ULK4: variants seen among roughly 807,000 people sequenced by gnomAD.
ULK4 encodes unc-51 like kinase 4.
Under a neutral mutation model 160.6 loss-of-function variants are expected in ULK4, and 133 were observed. The observed-to-expected ratio is 0.83, with a 90% confidence interval of 0.72 to 0.96. The LOEUF (loss-of-function observed/expected upper bound fraction) is 0.96. Ranked by LOEUF, ULK4 falls within the 40% of genes least tolerant of loss-of-function variation. The pLI, the probability that ULK4 is intolerant of heterozygous loss-of-function variation, is 0.00. For missense variants in ULK4, 1,580 were observed against 1,499.5 expected (o/e 1.05, Z -0.89); for synonymous variants, 534 against 539.8 (o/e 0.99, Z 0.15).
At chr3:41,303,169 T>G (rs1006488092) in intron 35 of ULK4, among the ~76,000 whole-genome samples, 3 of 152,232 alleles carry the variant, frequency 2.0e-5, no homozygotes, top group Non-Finnish European at 4.4e-5. Flanking sequence ...TTAAGTGATT[T>G]TGACTCACGC....
intron 35 of ULK4, among the ~76,000 whole-genome samples, chr3:41,396,985 G>A (rs932831686): frequency 2.6e-5 from 4 of 152,022 alleles, no homozygotes; most frequent in Non-Finnish European, 4.4e-5. Flanking sequence ...TGGGTCACTC[G>A]CTGCAACTGT....
At chr3:41,314,277 A>C (rs563386732) in intron 35 of ULK4, among the ~76,000 whole-genome samples, 143 of 152,346 alleles carry the variant, frequency 9.4e-4, no homozygotes, top group African/African-American at 3.3e-3. Context: ...GCAGTGGTAA[A>C]GTCTGGGCTT....
At chr3:41,452,461 T>A (rs2083444195) in intron 34 of ULK4, among the ~76,000 whole-genome samples, 1 of 152,180 alleles carries the variant, frequency 6.6e-6, no homozygotes, top group Admixed American at 6.5e-5. Flanking sequence ...ACCCAGCAAT[T>A]AAACAGTGTA....
At chr3:41,870,573 C>T (rs760966365) in intron 17 of ULK4, among the ~76,000 whole-genome samples, 1 of 152,170 alleles carries the variant, frequency 6.6e-6, no homozygotes, top group African/African-American at 2.4e-5. Context: ...ACAGAGAAGT[C>T]CCATATGTCC....
chr3:41,348,273 AT>A (rs1379621302), intron 35 of ULK4, among the ~76,000 whole-genome samples: 1 of 151,842 alleles, frequency 6.6e-6, no homozygotes, highest in Non-Finnish European at 1.5e-5. Context: ...AAGATTTCAA[AT>A]GTGAAAGGAT....
chr3:41,521,553 A>G (rs74611950), intron 32 of ULK4, among the ~76,000 whole-genome samples: 6 of 152,200 alleles, frequency 3.9e-5, no homozygotes, highest in African/African-American at 1.2e-4. Context: ...AGTACTCTGC[A>G]TAAGAATCTA....
At chr3:41,482,362 G>C (rs993512042) in intron 32 of ULK4, among the ~76,000 whole-genome samples, 1 of 152,186 alleles carries the variant, frequency 6.6e-6, no homozygotes, top group African/African-American at 2.4e-5. Flanking sequence ...CAGCAGTGAT[G>C]GTGTCTTATT....
At chr3:41,843,856 T>C (rs1044103015) in intron 17 of ULK4, among the ~76,000 whole-genome samples, 1 of 152,102 alleles carries the variant, frequency 6.6e-6, no homozygotes, top group Non-Finnish European at 1.5e-5. Flanking sequence ...GGCAGGGCAC[T>C]GACTGGTGCG....
In ULK4 at chr3:41,663,680, C is replaced by G. The variant is rs1183689667; in HGVS notation, c.2998G>C (p.Glu1000Gln). ...GCATATGCTGGTACTGGGTCAGGTT[C>G]TAAAAGAATGTGCTCATACCTGAAA... ...LLPQYEHILLEPDPVPAYALK... is the reference protein window; with the variant it reads ...LLPQYEHILLQPDPVPAYALK... Residue 1000 changes from glutamate (E) to glutamine (Q), a missense_variant, in exon 30 of 37, where the codon GAA becomes CAA. By Grantham distance (29) the Glu-to-Gln change is conservative. Transcript: ENST00000301831. 2.4e-5 allele frequency: 38 copies of G among 1,613,844 alleles called. No individual in the cohort carries two copies. The highest frequency in any genetic ancestry group is 3.1e-5 in the Non-Finnish European group (37 of 1,179,852).
intron 35 of ULK4, among the ~76,000 whole-genome samples, chr3:41,348,318 G>A (rs1176266876): frequency 1.3e-5 from 2 of 151,236 alleles, no homozygotes; most frequent in East Asian, 1.9e-4. Context: ...TTCACCTCCA[G>A]CAAACACAAT....
intron 27 of ULK4, among the ~76,000 whole-genome samples, chr3:41,695,023 T>G (rs2036441354): frequency 6.6e-6 from 1 of 152,186 alleles, no homozygotes; most frequent in South Asian, 2.1e-4. Context: ...AAGTCCAAGA[T>G]CACGGTGCCA....
chr3:41,466,245 T>TA (rs1464839714), intron 32 of ULK4, among the ~76,000 whole-genome samples: 1 of 152,156 alleles, frequency 6.6e-6, no homozygotes, highest in Non-Finnish European at 1.5e-5. Context: ...AATGTGTACT[T>TA]AGAGTCCATG....
chr3:41,925,767 C>T (rs1463846457), intron 5 of ULK4, among the ~76,000 whole-genome samples: 1 of 152,014 alleles, frequency 6.6e-6, no homozygotes, highest in Non-Finnish European at 1.5e-5. Flanking sequence ...TTTACCCTCA[C>T]AGCATAAACA....
At chr3:41,416,503 C>A (rs555387006) in intron 34 of ULK4, among the ~76,000 whole-genome samples, 3 of 152,262 alleles carry the variant, frequency 2.0e-5, no homozygotes, top group Admixed American at 2.0e-4. Flanking sequence ...CTGCTATACC[C>A]CTCAAAACAA....
At chr3:41,460,019 T>C (rs1449052899) in intron 33 of ULK4, among the ~76,000 whole-genome samples, 1 of 152,134 alleles carries the variant, frequency 6.6e-6, no homozygotes, top group African/African-American at 2.4e-5. Flanking sequence ...GGGTAGTTTA[T>C]GGTGAAGGCC....
intron 34 of ULK4, among the ~76,000 whole-genome samples, chr3:41,412,066 A>G (rs2082420418): frequency 6.6e-6 from 1 of 152,218 alleles, no homozygotes; most frequent in African/African-American, 2.4e-5. Flanking sequence ...ATTAACAAAC[A>G]AGGTACTGGA....
rs146885591 is a variant in ULK4, at chr3:41,258,070, C to T, written c.3679-8496G>A. Reference sequence around the variant, plus strand: ...TTGGGAGTGGACTGCTTCTGTCTCCCAGAGTTGAGTGTCCTCTTAGGCCGC... The same window carrying T: ...TTGGGAGTGGACTGCTTCTGTCTCCTAGAGTTGAGTGTCCTCTTAGGCCGC... On this transcript the variant is annotated intron_variant, in intron 35 of 36. Transcript: ENST00000301831. 3.4e-4 allele frequency among the ~76,000 whole-genome samples: 52 copies of T among 152,240 alleles called. No homozygotes were observed. The East Asian group carries it at 9.5e-3, about 28-fold the overall frequency.
At chr3:41,476,923 T>C (rs368005135) in intron 32 of ULK4, among the ~76,000 whole-genome samples, 100 of 152,206 alleles carry the variant, frequency 6.6e-4, no homozygotes, top group East Asian at 3.1e-3. Flanking sequence ...TAGGTAGGTA[T>C]AGGAAATAGA....
At chr3:41,819,133 G>A (rs989470026) in intron 19 of ULK4, among the ~76,000 whole-genome samples, 3 of 152,280 alleles carry the variant, frequency 2.0e-5, no homozygotes, top group African/African-American at 7.2e-5. Flanking sequence ...TAAAGGGGGA[G>A]TGCGGAGGGT....
Sources: gnomAD v4.1 joint callset for allele counts (sites outside exome capture counted in the v4.1 genomes callset) on GRCh38, gnomAD v4.1.1 for gene constraint, MANE v1.5 for transcripts, NCBI Gene and HGNC (gene_info 2026-07-23, HGNC 2026-07-21) for gene names.